The following PEBP4 variants were observed in gnomAD, a reference collection of about 807,000 sequenced individuals.
The protein encoded by PEBP4 is phosphatidylethanolamine binding protein 4, also known as phosphatidylethanolamine-binding protein 4.
PEBP4 carries 22 observed loss-of-function variants against 23.9 expected under a neutral mutation model. The ratio of observed to expected loss-of-function variants is 0.92; its 90% confidence interval spans 0.66 to 1.31. PEBP4 has a LOEUF of 1.31. PEBP4 is among the 40% of genes most tolerant of loss of function. The probability of loss-of-function intolerance (pLI) is 0.00; values close to 1 mark genes in which losing one functional copy is unlikely to be tolerated. For synonymous variants in PEBP4, 112 were observed against 99.3 expected, an observed-to-expected ratio of 1.13 and a Z score of -0.76; for missense variants, 324 against 281.7, an observed-to-expected ratio of 1.15 and a Z score of -1.07.
chr8:22,901,127 C>T (rs918728381), intron 3 of PEBP4, among the ~76,000 whole-genome samples: 6 of 152,192 alleles, frequency 3.9e-5, no homozygotes, highest in Non-Finnish European at 7.3e-5. Context: ...TTTCTGCCTT[C>T]TTATGAACGT....
intron 4 of PEBP4, among the ~76,000 whole-genome samples, chr8:22,772,421 ATACCTTATTT>A (rs1805734034): frequency 6.6e-6 from 1 of 151,620 alleles, no homozygotes; most frequent in Non-Finnish European, 1.5e-5. Flanking sequence ...TGCCCATTAT[ATACCTTATTT>A]TATTTAATTA....
chr8:22,869,064 T>C (rs10111828), intron 3 of PEBP4, among the ~76,000 whole-genome samples: 2,958 of 152,270 alleles, frequency 0.019, 106 homozygotes, highest in African/African-American at 0.068. Flanking sequence ...CTCCTTGCAG[T>C]TCCTTAAACA....
chr8:22,889,610 G>T (rs759755079), intron 3 of PEBP4, among the ~76,000 whole-genome samples: 11 of 152,074 alleles, frequency 7.2e-5, no homozygotes, highest in Non-Finnish European at 1.6e-4. Context: ...CCTCGTTTTG[G>T]GCAAATTGCT....
chr8:22,725,642 C>G (rs897222159), intron 5 of PEBP4, among the ~76,000 whole-genome samples: 1 of 152,146 alleles, frequency 6.6e-6, no homozygotes, highest in African/African-American at 2.4e-5. Context: ...CTGGCCTGGC[C>G]TAGGTCTTTC....
intron 4 of PEBP4, among the ~76,000 whole-genome samples, chr8:22,800,992 C>T (rs955204541): frequency 1.3e-5 from 2 of 152,084 alleles, no homozygotes; most frequent in South Asian, 4.1e-4. Context: ...CCCAACTCTG[C>T]CACTCCACAC....
chr8:22,754,137 CA>C (rs1261581035), intron 4 of PEBP4, among the ~76,000 whole-genome samples: 3 of 152,174 alleles, frequency 2.0e-5, no homozygotes, highest in Admixed American at 6.5e-5. Flanking sequence ...TCTGGGCTTT[CA>C]GCGGCTCTCC....
chr8:22,794,674 T>C (rs1806207582), intron 4 of PEBP4, among the ~76,000 whole-genome samples: 1 of 152,162 alleles, frequency 6.6e-6, no homozygotes, highest in African/African-American at 2.4e-5. Context: ...TTTTTCAATG[T>C]GCTGCTTGCT....
chr8:22,927,976 A>ACAGCTTTG (rs566428762), upstream of PEBP4: 46 of 446,696 alleles, frequency 1.0e-4, no homozygotes, highest in African/African-American at 8.3e-4. Context: ...CTGGCAGGAC[A>ACAGCTTTG]CAGCTTTGTT....
At chr8:22,927,489 G>A in intron 2 of PEBP4, 95 bp downstream of exon 2, 1 of 1,421,576 alleles carries the variant, frequency 7.0e-7, no homozygotes, top group Non-Finnish European at 9.4e-7. Context: ...TCAGGCTCAG[G>A]AGATGGTGCT....
In PEBP4 at chr8:22,775,979, T is replaced by G. The variant is rs1395475989; in HGVS notation, c.357+41658A>C. Among the ~76,000 whole-genome samples, 1 of 152,036 alleles carries G rather than the reference T, an allele frequency of 6.6e-6. No individual in the cohort carries two copies. Among genetic ancestry groups the G allele is most frequent in the Non-Finnish European group, 1.5e-5 (1 of 67,978 alleles). On this transcript the variant is annotated intron_variant, in intron 4 of 6. Coordinates refer to ENST00000256404, the MANE Select transcript of PEBP4 (RefSeq NM_144962.3). The surrounding 1 kb of genome is among the most constrained non-coding windows in gnomAD (Gnocchi z 4.8). Reference sequence around the variant, plus strand: ...CCCCTGGAACAATGGGGGTTGCAGATGCACACAGAGGGGTGTCTGTGTGCA... The same window carrying G: ...CCCCTGGAACAATGGGGGTTGCAGAGGCACACAGAGGGGTGTCTGTGTGCA...
At chr8:22,899,393 C>T (rs1406031627) in intron 3 of PEBP4, among the ~76,000 whole-genome samples, 1 of 152,194 alleles carries the variant, frequency 6.6e-6, no homozygotes, top group African/African-American at 2.4e-5. Context: ...TCTGAGGGTC[C>T]CAAAGGGCTT....
At chr8:22,728,160 T>C (rs1294102216) in intron 4 of PEBP4, among the ~76,000 whole-genome samples, 1 of 152,094 alleles carries the variant, frequency 6.6e-6, no homozygotes, top group African/African-American at 2.4e-5. Flanking sequence ...GCTCATGGGA[T>C]GCTGGGAGGA....
intron 3 of PEBP4, among the ~76,000 whole-genome samples, chr8:22,843,184 G>A (rs1807362394): frequency 6.6e-6 from 1 of 151,856 alleles, no homozygotes; most frequent in Non-Finnish European, 1.5e-5. Context: ...GGCTGGTCTT[G>A]AACTCCGACT....
At chr8:22,718,473 G>A (rs894453242) in intron 6 of PEBP4, among the ~76,000 whole-genome samples, 2 of 152,200 alleles carry the variant, frequency 1.3e-5, no homozygotes, top group African/African-American at 2.4e-5. Context: ...GCTGATGTTC[G>A]GCTGGACTGG....
chr8:22,766,962 A>C (rs1347061046), intron 4 of PEBP4, among the ~76,000 whole-genome samples: 3 of 152,230 alleles, frequency 2.0e-5, no homozygotes, highest in Non-Finnish European at 4.4e-5. Flanking sequence ...CTCATGGACA[A>C]AGTGGGGGCT....
intron 4 of PEBP4, among the ~76,000 whole-genome samples, chr8:22,747,009 A>G (rs966468597): frequency 3.4e-5 from 5 of 145,964 alleles, no homozygotes; most frequent in Non-Finnish European, 6.1e-5. Context: ...TAATTTTAAA[A>G]TTTTTTTAGA....
intron 4 of PEBP4, among the ~76,000 whole-genome samples, chr8:22,800,244 T>C (rs147478665): frequency 5.3e-5 from 8 of 152,108 alleles, no homozygotes; most frequent in Non-Finnish European, 8.8e-5. Context: ...ACCCAGGGAC[T>C]GCCCTGGGCC....
chr8:22,877,598 C>T (rs1021220106), intron 3 of PEBP4, among the ~76,000 whole-genome samples: 3 of 152,112 alleles, frequency 2.0e-5, no homozygotes, highest in Non-Finnish European at 2.9e-5. Context: ...CTGTTGGCAG[C>T]GGGGAGGAGG....
chr8:22,932,580 A>G (rs1169218157), upstream of PEBP4, among the ~76,000 whole-genome samples: 1 of 152,190 alleles, frequency 6.6e-6, no homozygotes, highest in Admixed American at 6.5e-5. Flanking sequence ...CTAACTTTAT[A>G]GAAGCTCTGG....
Sources: gnomAD v4.1 joint callset for allele counts (sites outside exome capture counted in the v4.1 genomes callset) on GRCh38, gnomAD v4.1.1 for gene constraint, Gnocchi (gnomAD v3.1) non-coding constraint, MANE v1.5 for transcripts, NCBI Gene and HGNC (gene_info 2026-07-23, HGNC 2026-07-21) for gene names.